XIRP2: variants seen among roughly 807,000 people sequenced by gnomAD.
XIRP2 encodes the protein xin actin binding repeat containing 2.
A neutral mutation model predicts 277.0 loss-of-function variants in XIRP2; 236 were observed. That is an observed-to-expected ratio of 0.85 (90% CI 0.77 to 0.95). XIRP2 has a LOEUF of 0.95. Ranked by LOEUF, XIRP2 falls within the 40% of genes least tolerant of loss-of-function variation. XIRP2 has a pLI of 0.00. For missense variants in XIRP2, 4,640 were observed against 4,157.5 expected, an observed-to-expected ratio of 1.12 and a Z score of -3.19; for synonymous variants, 1,490 against 1,416.5, an observed-to-expected ratio of 1.05 and a Z score of -1.17.
At chr2:167,050,902 G>T (rs553818164) in intron 2 of XIRP2, among the ~76,000 whole-genome samples, 1 of 151,784 alleles carries the variant, frequency 6.6e-6, no homozygotes, top group African/African-American at 2.4e-5. Context: ...AAGTGACTTC[G>T]CATTGCTTAT....
chr2:166,975,789 G>A (rs1686697702), intron 2 of XIRP2, among the ~76,000 whole-genome samples: 1 of 151,924 alleles, frequency 6.6e-6, no homozygotes, highest in Non-Finnish European at 1.5e-5. Flanking sequence ...AGCCGGGCGT[G>A]GTGGCGGGCA....
chr2:167,239,825 G>A, intron 5 of XIRP2, 30 bp from the exon 6 acceptor site: 1 of 1,556,684 alleles, frequency 6.4e-7, no homozygotes, highest in Middle Eastern at 1.7e-4. Flanking sequence ...CTTTTCTTAA[G>A]GCATTGTCTG....
chr2:166,894,585 A>G (rs1684192314), intron 1 of XIRP2, among the ~76,000 whole-genome samples: 2 of 152,186 alleles, frequency 1.3e-5, no homozygotes, highest in Admixed American at 1.3e-4. Context: ...TGCTCCAAGT[A>G]TTAATTCTAG....
At chr2:166,908,643 G>T (rs994494762) in intron 2 of XIRP2, among the ~76,000 whole-genome samples, 10 of 152,030 alleles carry the variant, frequency 6.6e-5, no homozygotes, top group East Asian at 1.9e-4. Flanking sequence ...GTCAATTTTG[G>T]CTTTTGTTGC....
In XIRP2 at chr2:167,250,708, G is replaced by A. The variant is rs1486343480; in HGVS notation, c.9316G>A (p.Asp3106Asn). The A allele has an allele frequency of 1.2e-6, 2 of 1,613,486 alleles. No individual in the cohort carries two copies. Among genetic ancestry groups the A allele is most frequent in the African/African-American group, 2.7e-5 (2 of 74,834 alleles). ...VKTHQEIKLD[D>N]SNIPPPSLKT... Reference sequence around the variant, plus strand: ...AACCCATCAGGAAATTAAACTTGATGATAGCAACATTCCTCCTCCCTCTTT... The same window carrying A: ...AACCCATCAGGAAATTAAACTTGATAATAGCAACATTCCTCCTCCCTCTTT... Residue 3106 changes from aspartate to asparagine, a missense_variant, in exon 9 of 11, where the codon GAT (aspartate) becomes AAT (asparagine). Physicochemically the swap from Asp to Asn is conservative, Grantham distance 23. Coordinates refer to ENST00000409195, the MANE Select transcript of XIRP2 (RefSeq NM_152381.6).
At chr2:167,181,638 T>C (rs1202059295) in intron 3 of XIRP2, among the ~76,000 whole-genome samples, 1 of 152,158 alleles carries the variant, frequency 6.6e-6, no homozygotes, top group African/African-American at 2.4e-5. Context: ...CCTTTTTTCC[T>C]CCAGAACAAA....
At chr2:167,019,997 A>C (rs1156484207) in intron 2 of XIRP2, among the ~76,000 whole-genome samples, 2 of 152,074 alleles carry the variant, frequency 1.3e-5, no homozygotes, top group Non-Finnish European at 2.9e-5. Context: ...TCACAAATGC[A>C]CTATTCGCTT....
intron 3 of XIRP2, among the ~76,000 whole-genome samples, chr2:167,196,184 C>A (rs1488456518): frequency 2.0e-5 from 3 of 152,100 alleles, no homozygotes; most frequent in African/African-American, 7.2e-5. Flanking sequence ...TGATAATATA[C>A]AACTGGAAAA....
intron 2 of XIRP2, among the ~76,000 whole-genome samples, chr2:166,928,760 A>G (rs1268780619): frequency 6.6e-6 from 1 of 152,072 alleles, no homozygotes; most frequent in African/African-American, 2.4e-5. Context: ...AAATATTTGT[A>G]TGTATGTCTG....
chr2:167,014,832 G>GTTAAA (rs1687777212), intron 2 of XIRP2, among the ~76,000 whole-genome samples: 1 of 151,752 alleles, frequency 6.6e-6, no homozygotes, highest in African/African-American at 2.4e-5. Context: ...GTTTATGAAG[G>GTTAAA]TTAAATCACT....
intron 3 of XIRP2, among the ~76,000 whole-genome samples, chr2:167,158,166 A>G (rs1692257268): frequency 6.6e-6 from 1 of 152,180 alleles, no homozygotes; most frequent in Admixed American, 6.5e-5. Context: ...ACAAAATCCA[A>G]CTGAAAATAG....
chr2:166,905,517 G>T (rs915326835), intron 2 of XIRP2, among the ~76,000 whole-genome samples: 2 of 151,810 alleles, frequency 1.3e-5, no homozygotes, highest in Non-Finnish European at 2.9e-5. Flanking sequence ...ATTATGAAAA[G>T]AACCAGATAT....
chr2:166,892,925 T>A (rs997733138), intron 1 of XIRP2, among the ~76,000 whole-genome samples: 1 of 144,980 alleles, frequency 6.9e-6, no homozygotes, highest in South Asian at 2.1e-4. Context: ...TATATATGTA[T>A]ATATGTGTAT....
At chr2:166,898,595 T>G (rs1412559413) in intron 1 of XIRP2, among the ~76,000 whole-genome samples, 2 of 152,184 alleles carry the variant, frequency 1.3e-5, no homozygotes, top group Non-Finnish European at 2.9e-5. Context: ...TAATTCCATC[T>G]TACATAACTA....
At chr2:167,117,431 GA>G (rs796744567) in intron 2 of XIRP2, among the ~76,000 whole-genome samples, 6 of 151,834 alleles carry the variant, frequency 4.0e-5, no homozygotes, top group South Asian at 2.1e-4. Flanking sequence ...TAGTCTACAA[GA>G]AAAAAAATCA....
intron 2 of XIRP2, among the ~76,000 whole-genome samples, chr2:166,960,379 A>T (rs2105406646): frequency 6.6e-6 from 1 of 151,908 alleles, no homozygotes; most frequent in South Asian, 2.1e-4. Flanking sequence ...AGTTGTACTT[A>T]TAAAAAGGGC....
chr2:166,942,481 A>T (rs759963604), intron 2 of XIRP2, among the ~76,000 whole-genome samples: 6 of 152,226 alleles, frequency 3.9e-5, no homozygotes, highest in Admixed American at 3.3e-4. Context: ...AACTGCGGGC[A>T]GTCCAAGCAC....
chr2:167,040,015 A>G (rs1010795927), intron 2 of XIRP2, among the ~76,000 whole-genome samples: 9 of 152,302 alleles, frequency 5.9e-5, no homozygotes, highest in Non-Finnish European at 1.3e-4. Flanking sequence ...AAAATACAAA[A>G]TACGGTTTGT....
intron 2 of XIRP2, among the ~76,000 whole-genome samples, chr2:167,003,468 T>G (rs75923312): frequency 0.035 from 5,385 of 152,020 alleles, 120 homozygotes; most frequent in East Asian, 0.078. Flanking sequence ...ATACATTTTA[T>G]CATCAAGTAT....
Sources: gnomAD v4.1 joint callset for allele counts (sites outside exome capture counted in the v4.1 genomes callset) on GRCh38, gnomAD v4.1.1 for gene constraint, MANE v1.5 for transcripts, NCBI Gene and HGNC (gene_info 2026-07-23, HGNC 2026-07-21) for gene names.